NLRP14: variants seen among roughly 807,000 people sequenced by gnomAD.
NLRP14 encodes NLR family pyrin domain containing 14, also known as NACHT, LRR and PYD domains-containing protein 14.
Under a neutral mutation model 94.7 loss-of-function variants are expected in NLRP14, and 105 were observed. The observed-to-expected ratio is 1.11, with a 90% CI of 0.95 to 1.30. NLRP14 has a LOEUF of 1.30. Among genes scored for constraint, NLRP14 ranks in the 50% most tolerant of loss-of-function variants. The pLI is 0.00. For synonymous variants in NLRP14, 508 were observed against 459.9 expected (o/e 1.10, Z -1.34); for missense variants, 1,362 against 1,254.1 (o/e 1.09, Z -1.30).
chr11:7,044,076 G>A, intron 4 of NLRP14, 92 bp downstream of exon 4: 1 of 1,233,226 alleles, frequency 8.1e-7, no homozygotes, highest in Non-Finnish European at 1.2e-6. Context: ...TGAGGTCCCA[G>A]AGCTGAGATA....
intron 1 of NLRP14, among the ~76,000 whole-genome samples, chr11:7,036,717 G>A (rs1213615056): frequency 6.6e-6 from 1 of 150,626 alleles, no homozygotes; most frequent in Non-Finnish European, 1.5e-5. Context: ...GAATTGTGGT[G>A]GCAAAAGTTC....
At position 7,070,315 on chromosome 11, in the gene NLRP14, G is replaced by C. The variant is rs761601010; in HGVS notation, c.3005G>C (p.Cys1002Ser). 47 of 1,611,970 alleles carry C rather than the reference G, an allele frequency of 2.9e-5. No individual in the cohort carries two copies. The highest frequency in any genetic ancestry group is 3.9e-5 in the Non-Finnish European group (46 of 1,178,486). Residue 1002 changes from cysteine to serine, a missense_variant, in exon 11 of 12, where the codon TGC (cysteine) becomes TCC (serine). By Grantham distance (112) the Cys-to-Ser change is moderately radical (BLOSUM62 -1). Coordinates refer to ENST00000299481, the MANE Select transcript of NLRP14 (RefSeq NM_176822.4). ...GLEYCGLTSL[C>S]CQDLSSALIC... ...GAATACTGTGGTTTGACATCTCTCT[G>C]CTGTCAAGATCTCTCCTCTGCTCTT...
chr11:7,030,518 C>T (rs1217629061), intron 1 of NLRP14, among the ~76,000 whole-genome samples: 1 of 151,958 alleles, frequency 6.6e-6, no homozygotes, highest in East Asian at 1.9e-4. Context: ...GACCCACCCC[C>T]ACTTTTCACC....
chr11:7,089,597 A>G, the NLRP14 span: 4 of 1,186,004 alleles, frequency 3.4e-6, no homozygotes, highest in Non-Finnish European at 4.2e-6. Context: ...GGGTCGGCCC[A>G]CCCCCCAAGA....
chr11:7,041,661 TC>T (rs1431224784), intron 3 of NLRP14, among the ~76,000 whole-genome samples: 8 of 152,214 alleles, frequency 5.3e-5, no homozygotes, highest in Non-Finnish European at 1.0e-4. Context: ...GCCAAGTGCA[TC>T]ATTTATTTTA....
the NLRP14 span, chr11:7,090,245 CGGAGGCCGTCTA>C: frequency 6.2e-7 from 1 of 1,609,624 alleles, no homozygotes; most frequent in Non-Finnish European, 8.5e-7. Context: ...TGCCCAGGGG[CGGAGGCCGTCTA>C]GGAGGCCGCT....
rs765121344 is a variant in NLRP14 at position 7,043,677 on chromosome 11, A to G, written c.1651A>G (p.Lys551Glu). The G allele has an allele frequency of 2.5e-6, 4 of 1,613,982 alleles. No individual in the cohort carries two copies. Among genetic ancestry groups the G allele is most frequent in the South Asian group, 1.1e-5 (1 of 91,080 alleles). Reference protein sequence around the residue: ...VKQLERTFNCKMSLKIKSKLL... With the variant: ...VKQLERTFNCEMSLKIKSKLL... ...ACAACTGGAGAGGACTTTTAACTGTAAAATGTCACTGAAGATAAAATCAAA... is the reference window on the plus strand; with the variant it reads ...ACAACTGGAGAGGACTTTTAACTGTGAAATGTCACTGAAGATAAAATCAAA... Residue 551 changes from lysine (K) to glutamate (E), a missense_variant, in exon 4 of 12, where the codon AAA (lysine) becomes GAA (glutamate). Physicochemically the swap from Lys to Glu is moderately conservative, Grantham distance 56 (BLOSUM62 1). Coordinates refer to ENST00000299481, the MANE Select transcript of NLRP14 (RefSeq NM_176822.4).
In NLRP14 at chr11:7,043,952, G is replaced by A; in HGVS notation, c.1926G>A (p.Lys642=). ...CTGTAACTGTGGTATTTGAGAAGAAGATATTAAAAACAAGCCTCCCAACTA... is the reference window on the plus strand; with the variant it reads ...CTGTAACTGTGGTATTTGAGAAGAAAATATTAAAAACAAGCCTCCCAACTA... ...RLSVTVVFEK[K]ILKTSLPTNT... is the part of the protein sequence containing the mutation. The change falls in exon 4 of 12, where the codon AAG becomes AAA. Residue 642 remains lysine (K), a synonymous_variant. Coordinates refer to ENST00000299481, the MANE Select transcript of NLRP14 (RefSeq NM_176822.4). 6.2e-7 allele frequency: 1 copy of A among 1,614,176 alleles called. No homozygotes were observed. The highest frequency in any genetic ancestry group is 8.5e-7 in the Non-Finnish European group (1 of 1,180,018).
At chr11:7,080,927 T>C in the NLRP14 span, among the ~76,000 whole-genome samples, 2 of 152,004 alleles carry the variant, frequency 1.3e-5, no homozygotes, top group Non-Finnish European at 2.9e-5. Context: ...ATCACAAGCT[T>C]GGAATGTTTA....
rs1296886716 is a variant in NLRP14, at chr11:7,043,107, A to T, written c.1081A>T (p.Met361Leu). Residue 361 changes from methionine to leucine, a missense_variant, in exon 4 of 12, where the codon ATG becomes TTG. By Grantham distance (15) the Met-to-Leu change is conservative (BLOSUM62 2). Transcript: ENST00000299481. The part of the protein sequence containing the change: ...KVFSSLKSNE[M>L]LFSMCQVPLV... ...ATTCAGTTCACTAAAAAGCAATGAG[A>T]TGCTGTTTAGCATGTGCCAAGTCCC... is the stretch of plus-strand genomic sequence containing the variant. 1 of 1,614,154 alleles carries T rather than the reference A, an allele frequency of 6.2e-7. No homozygotes were observed. Among genetic ancestry groups the T allele is most frequent in the Non-Finnish European group, 8.5e-7 (1 of 1,180,028 alleles).
At chr11:7,072,645 G>C (rs1212825783), downstream of NLRP14, among the ~76,000 whole-genome samples, 1 of 152,138 alleles carries the variant, frequency 6.6e-6, no homozygotes, top group East Asian at 1.9e-4. Context: ...TGCACGGTGT[G>C]TTTACTGAAG....
chr11:7,059,143 G>A (rs1410411038), intron 8 of NLRP14, among the ~76,000 whole-genome samples: 2 of 150,222 alleles, frequency 1.3e-5, no homozygotes, highest in East Asian at 3.9e-4. Flanking sequence ...CTCTTCATGG[G>A]CTGTTTTTTT....
At chr11:7,084,047 GGTTT>G in the NLRP14 span, among the ~76,000 whole-genome samples, 1 of 152,092 alleles carries the variant, frequency 6.6e-6, no homozygotes, top group African/African-American at 2.4e-5. Flanking sequence ...CCATCAAACT[GGTTT>G]GTTTTTTATG....
In NLRP14 at chr11:7,042,756, A is replaced by G. The variant is rs188283930; in HGVS notation, c.730A>G (p.Ile244Val). The change falls in exon 4 of 12, where the codon ATT becomes GTT. Residue 244 changes from isoleucine to valine, a missense_variant. Transcript: ENST00000299481. ...SKDWPSTEGP[I>V]EEIMYQPSSL... ...GGACTGGCCCAGCACAGAAGGCCCCATTGAAGAAATCATGTACCAGCCAAG... is the reference window on the plus strand; with the variant it reads ...GGACTGGCCCAGCACAGAAGGCCCCGTTGAAGAAATCATGTACCAGCCAAG... The G allele has an allele frequency of 2.3e-5, 37 of 1,614,234 alleles. No individual in the cohort carries two copies. The Admixed American group carries it at 3.2e-4, about 14-fold the overall frequency.
At chr11:7,089,868 G>A in the NLRP14 span, 7 of 1,612,770 alleles carry the variant, frequency 4.3e-6, no homozygotes, top group Admixed American at 1.2e-4. Context: ...CAGTGTCCGG[G>A]ACGACTGTCC....
intron 1 of NLRP14, among the ~76,000 whole-genome samples, chr11:7,037,578 G>A (rs1056316356): frequency 5.9e-5 from 9 of 152,186 alleles, no homozygotes; most frequent in African/African-American, 2.2e-4. Flanking sequence ...TGGTGCTTGG[G>A]AGAGTATGGA....
chr11:7,031,629 C>A (rs973468832), intron 1 of NLRP14, among the ~76,000 whole-genome samples: 3 of 152,166 alleles, frequency 2.0e-5, no homozygotes, highest in Non-Finnish European at 4.4e-5. Flanking sequence ...CCACTTTCAC[C>A]AGCCTTGACG....
At chr11:7,050,011 C>A (rs1852418987) in intron 6 of NLRP14, among the ~76,000 whole-genome samples, 173 bp downstream of exon 6, 1 of 152,198 alleles carries the variant, frequency 6.6e-6, no homozygotes, top group Non-Finnish European at 1.5e-5. Flanking sequence ...GGTAGGACTT[C>A]TCATTCCTCC....
At position 7,039,763 on chromosome 11, in the gene NLRP14, A is replaced by G. The variant is rs1032333222; in HGVS notation, c.339A>G (p.Gln113=). The G allele has an allele frequency of 2.5e-5, 40 of 1,613,956 alleles. No individual in the cohort carries two copies. The highest frequency in any genetic ancestry group is 3.2e-5 in the Non-Finnish European group (38 of 1,179,926). Residue 113 remains glutamine, a synonymous_variant, in exon 3 of 12, where the codon CAA becomes CAG. Transcript: ENST00000299481. ...GPDDAKAGET[Q]EDQEAVLGDG... The stretch of plus-strand genomic sequence containing the variant: ...ATGATGCCAAGGCTGGAGAGACACA[A>G]GAAGATCAGGAGGCAGTGCTGGGTG...
Sources: gnomAD v4.1 joint callset for allele counts (sites outside exome capture counted in the v4.1 genomes callset) on GRCh38, gnomAD v4.1.1 for gene constraint, MANE v1.5 for transcripts, NCBI Gene and HGNC (gene_info 2026-07-23, HGNC 2026-07-21) for gene names.